The following EBF2 variants were observed in gnomAD, a reference collection of about 807,000 sequenced individuals.
EBF2 encodes transcription factor COE2.
EBF2 carries 21 observed loss-of-function variants against 72.8 expected under a neutral mutation model. The observed-to-expected ratio is 0.29, with a 90% CI of 0.20 to 0.42. The LOEUF (loss-of-function observed/expected upper bound fraction) is 0.42. Ranked by LOEUF, EBF2 falls within the 10% of genes least tolerant of loss-of-function variation. The pLI, the probability that EBF2 is intolerant of heterozygous loss-of-function variation, is 1.00. For missense variants in EBF2, 637 were observed against 731.2 expected, an observed-to-expected ratio of 0.87 and a Z score of 1.49; for synonymous variants, 299 against 274.2, an observed-to-expected ratio of 1.09 and a Z score of -0.89.
At chr8:25,880,455 C>A (rs577740657) in intron 10 of EBF2, among the ~76,000 whole-genome samples, 1 of 152,164 alleles carries the variant, frequency 6.6e-6, no homozygotes, top group Non-Finnish European at 1.5e-5. Flanking sequence ...TAATGCCTAA[C>A]TAGTTGGCCC....
At chr8:25,995,459 A>G (rs1220332642) in intron 6 of EBF2, among the ~76,000 whole-genome samples, 2 of 152,212 alleles carry the variant, frequency 1.3e-5, no homozygotes, top group African/African-American at 4.8e-5. Flanking sequence ...ATCTGCTATA[A>G]TAATAAACGT....
At chr8:25,938,794 G>A (rs982770830) in intron 6 of EBF2, among the ~76,000 whole-genome samples, 2 of 152,126 alleles carry the variant, frequency 1.3e-5, no homozygotes, top group Non-Finnish European at 2.9e-5. Context: ...GATGTGGGGG[G>A]CCTCAATTTC....
At chr8:25,971,344 GAGTTCAGT>G (rs138048329) in intron 6 of EBF2, among the ~76,000 whole-genome samples, 12,087 of 152,240 alleles carry the variant, frequency 0.079, 495 homozygotes, top group South Asian at 0.094. Flanking sequence ...GTGGGCAACA[GAGTTCAGT>G]CTCATTTTGC....
At chr8:25,905,668 C>T (rs1009780798) in intron 7 of EBF2, among the ~76,000 whole-genome samples, 4 of 152,056 alleles carry the variant, frequency 2.6e-5, no homozygotes, top group African/African-American at 9.7e-5. Flanking sequence ...TTAGTGGTTG[C>T]CAGTGAATGG....
intron 6 of EBF2, among the ~76,000 whole-genome samples, chr8:26,004,798 T>G (rs1353536312): frequency 6.7e-6 from 1 of 149,776 alleles, no homozygotes; most frequent in East Asian, 2.0e-4. Context: ...AACAGTCCAC[T>G]AAAAGGCACC....
intron 15 of EBF2, among the ~76,000 whole-genome samples, chr8:25,848,494 G>C (rs1451220250): frequency 6.6e-6 from 1 of 152,116 alleles, no homozygotes; most frequent in Non-Finnish European, 1.5e-5. Flanking sequence ...CCTGACTTCA[G>C]TAACAGCACG....
intron 6 of EBF2, among the ~76,000 whole-genome samples, chr8:25,937,485 T>C (rs986433998): frequency 2.0e-5 from 3 of 152,204 alleles, no homozygotes; most frequent in South Asian, 2.1e-4. Context: ...ATTATTACCA[T>C]AGAACATTAT....
intron 6 of EBF2, among the ~76,000 whole-genome samples, chr8:25,914,178 G>A (rs919005738): frequency 1.3e-5 from 2 of 152,208 alleles, no homozygotes; most frequent in Admixed American, 1.3e-4. Context: ...GGCCCTCATA[G>A]CAACTCACTC....
chr8:25,960,296 G>A (rs1191410356), intron 6 of EBF2, among the ~76,000 whole-genome samples: 1 of 152,158 alleles, frequency 6.6e-6, no homozygotes, highest in Non-Finnish European at 1.5e-5. Context: ...GATTCCTATC[G>A]AAGAACCAAT....
chr8:25,992,509 C>T (rs1054725206), intron 6 of EBF2, among the ~76,000 whole-genome samples: 3 of 152,012 alleles, frequency 2.0e-5, no homozygotes, highest in African/African-American at 7.2e-5. Flanking sequence ...TTGGTCAGAA[C>T]CTAGATTAAG....
At position 25,844,556 on chromosome 8, in the gene EBF2, A is replaced by G. The variant is rs982584685; in HGVS notation, c.*53T>C. The stretch of plus-strand genomic sequence containing the variant: ...CAAAAGAGCTCCTAGTGCTTTCTTC[A>G]TTATTGGTCCATCAGAGTAAGTAGT... On this transcript the variant is annotated 3_prime_UTR_variant, in exon 16 of 16. Transcript: ENST00000520164. 6.2e-7 allele frequency: 1 copy of G among 1,605,870 alleles called. No homozygotes were observed. Among genetic ancestry groups the G allele is most frequent in the African/African-American group, 1.3e-5 (1 of 74,864 alleles).
At chr8:25,880,296 G>A (rs10106488) in intron 10 of EBF2, among the ~76,000 whole-genome samples, 65,908 of 151,934 alleles carry the variant, frequency 0.43, 14,735 homozygotes, top group Middle Eastern at 0.62. Flanking sequence ...GATGGTGCCT[G>A]TCTTTGGCCT....
In EBF2 at chr8:25,843,089, T is replaced by C. The variant is rs1489686523; in HGVS notation, c.*1520A>G. On this transcript the variant is annotated 3_prime_UTR_variant, in exon 16 of 16. Coordinates refer to ENST00000520164, the MANE Select transcript of EBF2 (RefSeq NM_022659.4). Reference sequence around the variant, plus strand: ...CTGTTAGCAGCTAAGGCAAGGTTCTTCCCCTCTAAGAGCTAGTCACAAAAC... The same window carrying C: ...CTGTTAGCAGCTAAGGCAAGGTTCTCCCCCTCTAAGAGCTAGTCACAAAAC... 6.6e-6 allele frequency: 1 copy of C among 152,100 alleles called. No homozygotes were observed. Among genetic ancestry groups the C allele is most frequent in the Non-Finnish European group, 1.5e-5 (1 of 68,040 alleles). 9.4% of individuals were successfully genotyped at this position (152,100 alleles called of 1,614,324 possible).
intron 14 of EBF2, among the ~76,000 whole-genome samples, chr8:25,853,796 A>G (rs187137288): frequency 4.9e-4 from 75 of 152,156 alleles, no homozygotes; most frequent in African/African-American, 1.8e-3. Flanking sequence ...TATTAAAACT[A>G]ACGTTGTAGA....
intron 6 of EBF2, among the ~76,000 whole-genome samples, chr8:25,956,264 C>T (rs1461744928): frequency 1.3e-5 from 2 of 151,998 alleles, no homozygotes; most frequent in Admixed American, 1.3e-4. Flanking sequence ...ACTAAAAATA[C>T]AAAATTAGCT....
chr8:25,869,127 T>C (rs1802386325), intron 10 of EBF2, among the ~76,000 whole-genome samples: 1 of 152,208 alleles, frequency 6.6e-6, no homozygotes, highest in Admixed American at 6.5e-5. Flanking sequence ...GCATTCTTCA[T>C]TGATTCAATT....
At chr8:26,021,686 T>A (rs1805205276) in intron 6 of EBF2, among the ~76,000 whole-genome samples, 1 of 152,234 alleles carries the variant, frequency 6.6e-6, no homozygotes, top group Non-Finnish European at 1.5e-5. Flanking sequence ...TTAACTTGGA[T>A]ATACATACTA....
intron 6 of EBF2, among the ~76,000 whole-genome samples, chr8:25,996,053 G>A (rs185777989): frequency 6.6e-6 from 1 of 152,134 alleles, no homozygotes; most frequent in African/African-American, 2.4e-5. Context: ...CAACACTTTG[G>A]GAAGCCAAAG....
At chr8:25,918,547 AATT>A (rs1803261654) in intron 6 of EBF2, among the ~76,000 whole-genome samples, 1 of 152,184 alleles carries the variant, frequency 6.6e-6, no homozygotes, top group Non-Finnish European at 1.5e-5. Flanking sequence ...AATCCTGCAT[AATT>A]AATAAGCACA....
Sources: gnomAD v4.1 joint callset for allele counts (sites outside exome capture counted in the v4.1 genomes callset) on GRCh38, gnomAD v4.1.1 for gene constraint, MANE v1.5 for transcripts, NCBI Gene and HGNC (gene_info 2026-07-23, HGNC 2026-07-21) for gene names.